Variants in ZFR observed in about 807,000 individuals in gnomAD.
The protein encoded by ZFR is zinc finger RNA binding protein.
In ZFR, 19 loss-of-function variants were observed where a neutral mutation model predicts 130.7. The observed-to-expected ratio is 0.15, with a 90% CI of 0.10 to 0.21. The LOEUF is 0.21. ZFR is among the 10% of genes least tolerant of loss of function. ZFR has a pLI of 1.00. For synonymous variants in ZFR, 466 were observed against 456.9 expected (o/e 1.02, Z -0.25); for missense variants, 872 against 1,321.5 (o/e 0.66, Z 5.27).
chr5:32,419,549 G>A (rs1753906993), intron 3 of ZFR, among the ~76,000 whole-genome samples: 2 of 152,122 alleles, frequency 1.3e-5, no homozygotes, highest in Admixed American at 6.6e-5. Context: ...TGTTGGACAC[G>A]CTGGTCTTGA....
At chr5:32,410,573 A>G in intron 5 of ZFR, among the ~76,000 whole-genome samples, 1 of 151,456 alleles carries the variant, frequency 6.6e-6, no homozygotes, top group African/African-American at 2.4e-5. Flanking sequence ...GTGCCACTGC[A>G]CTCCAGCCTG....
At chr5:32,437,701 A>AT (rs528669648) in intron 2 of ZFR, among the ~76,000 whole-genome samples, 107 of 150,296 alleles carry the variant, frequency 7.1e-4, no homozygotes, top group South Asian at 1.3e-3. Context: ...AATGTAGCTG[A>AT]TTTTTTTTTT....
chr5:32,370,089 ATTTTT>A (rs933446377), intron 17 of ZFR, among the ~76,000 whole-genome samples: 1 of 121,946 alleles, frequency 8.2e-6, no homozygotes, highest in East Asian at 2.3e-4. Context: ...ACAGTGGCAG[ATTTTT>A]TTTTTTTTTT....
At chr5:32,364,443 A>C (rs1752497297) in intron 17 of ZFR, 168 bp from the exon 18 acceptor site, 1 of 432,372 alleles carries the variant, frequency 2.3e-6, no homozygotes, top group Non-Finnish European at 4.1e-6. Flanking sequence ...ATTCAAAATT[A>C]AGGAATAGGC....
At chr5:32,359,898 T>TGC (rs1304964080) in intron 19 of ZFR, among the ~76,000 whole-genome samples, 1 of 151,068 alleles carries the variant, frequency 6.6e-6, no homozygotes, top group Non-Finnish European at 1.5e-5. Context: ...GAGCTGAGAT[T>TGC]GCGCCTTTGC....
intron 4 of ZFR, among the ~76,000 whole-genome samples, 188 bp from the exon 5 acceptor site, chr5:32,415,375 T>C (rs1478807945): frequency 6.6e-6 from 1 of 152,162 alleles, no homozygotes; most frequent in East Asian, 1.9e-4. Context: ...CAAATAAATA[T>C]ACTATCTTCT....
At chr5:32,408,121 TAG>T (rs1466276276) in intron 5 of ZFR, among the ~76,000 whole-genome samples, 2 of 152,094 alleles carry the variant, frequency 1.3e-5, no homozygotes, top group East Asian at 3.9e-4. Flanking sequence ...TATGTGCAAG[TAG>T]AGATTATTTT....
intron 15 of ZFR, among the ~76,000 whole-genome samples, chr5:32,380,619 G>GA (rs1752914086): frequency 6.7e-6 from 1 of 148,758 alleles, no homozygotes; most frequent in Admixed American, 6.8e-5. Flanking sequence ...ACAGTTATAG[G>GA]AAAAAAATGA....
intron 2 of ZFR, among the ~76,000 whole-genome samples, chr5:32,421,348 C>CA (rs1314502149): frequency 6.6e-6 from 1 of 152,146 alleles, no homozygotes; most frequent in Non-Finnish European, 1.5e-5. Context: ...CTAATTAACT[C>CA]AGTCTCTGAT....
chr5:32,415,285 C>T (rs1323127976), intron 4 of ZFR, 98 bp from the exon 5 acceptor site: 4 of 1,055,074 alleles, frequency 3.8e-6, no homozygotes, highest in Non-Finnish European at 5.5e-6. Flanking sequence ...GTACAAACAT[C>T]ATTAACTATA....
intron 19 of ZFR, among the ~76,000 whole-genome samples, chr5:32,363,452 A>G (rs1437507462): frequency 1.3e-5 from 2 of 152,240 alleles, no homozygotes; most frequent in Admixed American, 6.5e-5. Flanking sequence ...TGTTTGAGAC[A>G]GATACTGCTT....
At chr5:32,385,748 T>C in intron 14 of ZFR, 99 bp from the exon 15 acceptor site, 1 of 1,382,376 alleles carries the variant, frequency 7.2e-7, no homozygotes. Context: ...ACCCTAACCA[T>C]TCTATATGAG....
At chr5:32,393,628 A>T (rs1270634852) in intron 11 of ZFR, among the ~76,000 whole-genome samples, 2 of 152,146 alleles carry the variant, frequency 1.3e-5, no homozygotes, top group Non-Finnish European at 2.9e-5. Context: ...AGGTATGAGC[A>T]ACTGTGCCCG....
chr5:32,382,729 C>T (rs1752959886), intron 15 of ZFR, among the ~76,000 whole-genome samples: 2 of 152,064 alleles, frequency 1.3e-5, no homozygotes, highest in Non-Finnish European at 2.9e-5. Context: ...CCTGCCTCAG[C>T]CTCCCAAGTA....
At chr5:32,444,490 CCTCA>C in intron 1 of ZFR, 128 bp downstream of exon 1, 6 of 1,296,830 alleles carry the variant, frequency 4.6e-6, no homozygotes, top group African/African-American at 1.6e-5. Flanking sequence ...CCTCGCACTC[CCTCA>C]CTCACTCGCA....
Position 32,397,467 on chromosome 5 carries a change from T to C in ZFR, c.1714-129A>G, listed in dbSNP as rs116528619. On this transcript the variant is annotated intron_variant, in intron 9 of 19. Transcript: ENST00000265069. ...GGCAATGTCTATTACATTTTTTTTT[T>C]CCCCAGGACAGAGTCTTGCTCTGTC... 1.1e-3 allele frequency: 1,368 copies of C among 1,189,912 alleles called. 18 individuals carry two copies. In the African/African-American group the frequency reaches 0.018, roughly 16 times the overall value. 73.7% of individuals were successfully genotyped at this position (1,189,912 alleles called of 1,614,324 possible).
At chr5:32,390,133 C>T (rs1196158102) in intron 12 of ZFR, 142 bp downstream of exon 12, 26 of 1,102,694 alleles carry the variant, frequency 2.4e-5, no homozygotes, top group South Asian at 5.3e-5. Context: ...CCAGCCTGGG[C>T]GACAGAGCAA....
intron 5 of ZFR, among the ~76,000 whole-genome samples, chr5:32,412,076 A>G (rs1245991221): frequency 6.6e-6 from 1 of 152,244 alleles, no homozygotes; most frequent in Non-Finnish European, 1.5e-5. Context: ...GTAGAAATTC[A>G]TTCAGTTTTC....
chr5:32,413,230 A>T (rs980862911), intron 5 of ZFR, among the ~76,000 whole-genome samples: 1 of 151,892 alleles, frequency 6.6e-6, no homozygotes, highest in Non-Finnish European at 1.5e-5. Context: ...AAACAAAACA[A>T]AACAAAACAA....
Sources: gnomAD v4.1 joint callset for allele counts (sites outside exome capture counted in the v4.1 genomes callset) on GRCh38, gnomAD v4.1.1 for gene constraint, MANE v1.5 for transcripts, NCBI Gene and HGNC (gene_info 2026-07-23, HGNC 2026-07-21) for gene names.